VTI1A: variants seen among roughly 807,000 people sequenced by gnomAD.
The protein encoded by VTI1A is vesicle transport through interaction with t-SNAREs homolog 1A.
A neutral mutation model predicts 34.9 loss-of-function variants in VTI1A; 22 were observed. That is an observed-to-expected ratio of 0.63 (90% CI 0.45 to 0.90). VTI1A has a LOEUF of 0.90. VTI1A is among the 40% of genes least tolerant of loss of function. The pLI is 0.00. For missense variants in VTI1A, 268 were observed against 275.6 expected (o/e 0.97, Z 0.20); for synonymous variants, 87 against 97.3 (o/e 0.89, Z 0.62).
chr10:112,757,333 CCTTT>C (rs1199699124), intron 7 of VTI1A, among the ~76,000 whole-genome samples: 1 of 140,394 alleles, frequency 7.1e-6, no homozygotes, highest in Non-Finnish European at 1.6e-5. Flanking sequence ...TTGCTTTCAC[CCTTT>C]CTTTGTTGCT....
intron 5 of VTI1A, among the ~76,000 whole-genome samples, chr10:112,654,865 T>C (rs1175942493): frequency 2.0e-5 from 3 of 152,236 alleles, no homozygotes; most frequent in African/African-American, 7.2e-5. Flanking sequence ...AATGTCACTG[T>C]CTAAAAATGC....
At chr10:112,705,883 C>T (rs181937088) in intron 7 of VTI1A, among the ~76,000 whole-genome samples, 2 of 152,094 alleles carry the variant, frequency 1.3e-5, no homozygotes, top group African/African-American at 4.8e-5. Context: ...AAGCTAGTTC[C>T]GTGTTAATCT....
intron 5 of VTI1A, among the ~76,000 whole-genome samples, chr10:112,601,426 C>CTT (rs113977630): frequency 0.41 from 60,221 of 148,176 alleles, 12,422 homozygotes; most frequent in Admixed American, 0.55. Context: ...CAATTATTTA[C>CTT]TTTTTTTTTT....
At chr10:112,592,311 C>T (rs968510830) in intron 5 of VTI1A, among the ~76,000 whole-genome samples, 3 of 152,132 alleles carry the variant, frequency 2.0e-5, no homozygotes, top group South Asian at 2.1e-4. Flanking sequence ...TTTAAGCCAC[C>T]GAGCTTTTGG....
chr10:112,697,199 T>G (rs1281236693), intron 7 of VTI1A, among the ~76,000 whole-genome samples: 3 of 151,378 alleles, frequency 2.0e-5, no homozygotes, highest in Non-Finnish European at 2.9e-5. Flanking sequence ...TCTGTTCTTT[T>G]TTTTTTTTTT....
At chr10:112,854,388 G>A in the VTI1A span, among the ~76,000 whole-genome samples, 1 of 152,206 alleles carries the variant, frequency 6.6e-6, no homozygotes, top group Non-Finnish European at 1.5e-5. Context: ...TTAAGGGATA[G>A]AGTCAAGAAT....
At chr10:112,453,936 G>A (rs541088554) in intron 1 of VTI1A, among the ~76,000 whole-genome samples, 17 of 152,114 alleles carry the variant, frequency 1.1e-4, no homozygotes, top group Non-Finnish European at 1.9e-4. Flanking sequence ...ATATCTACAA[G>A]CATTTGCATA....
chr10:112,695,692 A>G (rs1263569791), intron 7 of VTI1A, among the ~76,000 whole-genome samples: 1 of 152,210 alleles, frequency 6.6e-6, no homozygotes, highest in Non-Finnish European at 1.5e-5. Context: ...TTGCAGATGC[A>G]CTGCGTGCCC....
At chr10:112,589,947 A>C (rs570576975) in intron 5 of VTI1A, among the ~76,000 whole-genome samples, 1 of 152,224 alleles carries the variant, frequency 6.6e-6, no homozygotes, top group Non-Finnish European at 1.5e-5. Context: ...TTGATGATTT[A>C]TAGTTTTCTT....
At chr10:112,803,487 GAA>G (rs2134075923) in intron 7 of VTI1A, among the ~76,000 whole-genome samples, 1 of 152,382 alleles carries the variant, frequency 6.6e-6, no homozygotes, top group African/African-American at 2.4e-5. Context: ...GCTTGAATGA[GAA>G]AGAGTGTGAT....
chr10:112,588,009 C>T (rs1564838585), intron 5 of VTI1A, among the ~76,000 whole-genome samples: 1 of 151,986 alleles, frequency 6.6e-6, no homozygotes, highest in Non-Finnish European at 1.5e-5. Flanking sequence ...TTAAAAACCA[C>T]TGCTACTCTG....
intron 5 of VTI1A, among the ~76,000 whole-genome samples, chr10:112,651,584 C>T (rs910045902): frequency 3.3e-5 from 5 of 152,232 alleles, no homozygotes; most frequent in African/African-American, 1.2e-4. Context: ...GCTGGGATTA[C>T]AGGCGTAAGC....
At chr10:112,455,021 A>C (rs1188441872) in intron 1 of VTI1A, among the ~76,000 whole-genome samples, 1 of 152,012 alleles carries the variant, frequency 6.6e-6, no homozygotes, top group Non-Finnish European at 1.5e-5. Context: ...TCCTAGGTAC[A>C]TGTTGTTTGA....
chr10:112,520,670 TA>T (rs1849989311), intron 3 of VTI1A, among the ~76,000 whole-genome samples: 1 of 148,124 alleles, frequency 6.8e-6, no homozygotes, highest in South Asian at 2.1e-4. Flanking sequence ...TATATATATA[TA>T]TAAAACCTCA....
chr10:112,667,809 G>C (rs767552611), intron 5 of VTI1A, among the ~76,000 whole-genome samples: 1 of 152,114 alleles, frequency 6.6e-6, no homozygotes, highest in Admixed American at 6.6e-5. Context: ...AATGGAGTCT[G>C]ACATACATAT....
At chr10:112,599,611 CACCTG>C (rs1001943957) in intron 5 of VTI1A, among the ~76,000 whole-genome samples, 2 of 152,114 alleles carry the variant, frequency 1.3e-5, no homozygotes, top group African/African-American at 4.8e-5. Context: ...AACAGAGTCT[CACCTG>C]TCTTCCAGGC....
chr10:112,673,551 C>T (rs184504524), intron 7 of VTI1A, among the ~76,000 whole-genome samples: 46 of 152,252 alleles, frequency 3.0e-4, no homozygotes, highest in African/African-American at 1.1e-3. Flanking sequence ...GGTTAACTTC[C>T]TTATGCGTGG....
In VTI1A at chr10:112,526,031, A is replaced by G. The variant is rs147250150; in HGVS notation, c.265-1056A>G. 2.4e-3 allele frequency among the ~76,000 whole-genome samples: 369 copies of G among 152,324 alleles called. 2 individuals are homozygous for G. The highest frequency in any genetic ancestry group is 8.7e-3 in the African/African-American group (362 of 41,568). ...TAGACCCCCAAGTGAGGAAGAGATT[A>G]CTGTTTTCCAGCTGCCATTTTTTAA... is the stretch of plus-strand genomic sequence containing the variant. On this transcript the variant is annotated intron_variant, in intron 3 of 7. Coordinates refer to ENST00000393077, the MANE Select transcript of VTI1A (RefSeq NM_145206.4).
In VTI1A at chr10:112,668,943, G is replaced by A; in HGVS notation, c.505G>A (p.Glu169Lys). Residue 169 changes from glutamate to lysine, a missense_variant, in exon 7 of 8, where the codon GAA (glutamate) becomes AAA (lysine). Coordinates refer to ENST00000393077, the MANE Select transcript of VTI1A (RefSeq NM_145206.4). Reference sequence around the variant, plus strand: ...GTTTTGTTTCTTCTTGTAGCTTCGGGAAACAGATGCTAATTTGGGAAAAAG... The same window carrying A: ...GTTTTGTTTCTTCTTGTAGCTTCGGAAAACAGATGCTAATTTGGGAAAAAG... ...KIQRARERLR[E>K]TDANLGKSSR... 1 of 1,612,284 alleles carries A rather than the reference G, an allele frequency of 6.2e-7. No homozygotes were observed. Among genetic ancestry groups the A allele is most frequent in the Non-Finnish European group, 8.5e-7 (1 of 1,178,650 alleles).
Sources: allele counts gnomAD v4.1 joint callset (sites outside exome capture counted in the v4.1 genomes callset), GRCh38; gene constraint gnomAD v4.1.1; transcripts MANE v1.5; gene names NCBI Gene and HGNC (gene_info 2026-07-23, HGNC 2026-07-21).